Variants in CCDC175 observed in about 807,000 individuals in gnomAD.
CCDC175 encodes coiled-coil domain containing 175.
A neutral mutation model predicts 114.6 loss-of-function variants in CCDC175; 100 were observed. That is an observed-to-expected ratio of 0.87 (90% confidence interval 0.74 to 1.03). The LOEUF (loss-of-function observed/expected upper bound fraction) is 1.03. CCDC175 is among the 50% of genes least tolerant of loss of function. CCDC175 has a pLI of 0.00. For synonymous variants in CCDC175, 306 were observed against 308.7 expected (o/e 0.99, Z 0.09); for missense variants, 880 against 917.8 (o/e 0.96, Z 0.53).
intron 10 of CCDC175, among the ~76,000 whole-genome samples, chr14:59,541,924 G>C (rs1566616059): frequency 1.3e-5 from 2 of 152,140 alleles, no homozygotes; most frequent in Non-Finnish European, 1.5e-5. Context: ...TCCTTATGAA[G>C]CTGACATAAT....
chr14:59,534,397 C>T (rs1872249227), intron 13 of CCDC175, among the ~76,000 whole-genome samples: 1 of 152,162 alleles, frequency 6.6e-6, no homozygotes, highest in Admixed American at 6.5e-5. Context: ...AAAGAGAGAC[C>T]AATGCAGATT....
intron 8 of CCDC175, among the ~76,000 whole-genome samples, chr14:59,546,721 CACCCTTTGGAA>C (rs1895133820): frequency 6.6e-6 from 1 of 152,038 alleles, no homozygotes; most frequent in African/African-American, 2.4e-5. Context: ...CAAAGAGCTT[CACCCTTTGGAA>C]GGCTGAGGCA....
rs1271462555 is a variant in CCDC175, at chr14:59,539,724, GC to G, written c.1356-885del. On this transcript the variant is annotated intron_variant, in intron 11 of 19. Transcript: ENST00000537690. Reference sequence around the variant, plus strand: ...AGGCCAAGAGTTTGAGAGCAGCGTGGCCAACATAGTGAAACCCCATCTCTAC... The same window carrying G: ...AGGCCAAGAGTTTGAGAGCAGCGTGGCAACATAGTGAAACCCCATCTCTAC... 1.1e-4 allele frequency among the ~76,000 whole-genome samples: 17 copies of G among 152,202 alleles called. No homozygotes were observed. The South Asian group carries it at 3.3e-3, about 30-fold the overall frequency.
intron 17 of CCDC175, among the ~76,000 whole-genome samples, chr14:59,515,773 G>A (rs561226029): frequency 0.012 from 1,803 of 152,080 alleles, 28 homozygotes; most frequent in African/African-American, 0.042. Context: ...CAGAAAGTTA[G>A]CAAGAATATC....
At chr14:59,544,516 T>C (rs1394139284) in intron 9 of CCDC175, among the ~76,000 whole-genome samples, 1 of 152,156 alleles carries the variant, frequency 6.6e-6, no homozygotes. Flanking sequence ...TGCTGTGGAC[T>C]GAATTGTGCC....
rs1198843594 is a variant in CCDC175 at position 59,525,381 on chromosome 14, GT to G, written c.1895del (p.Asn632ThrfsTer8). On this transcript the variant is annotated frameshift_variant, in exon 16 of 20. Coordinates refer to ENST00000537690, the MANE Select transcript of CCDC175 (RefSeq NM_001164399.2). LOFTEE classifies it high-confidence loss of function. ...QQLRDQESKK[N>X]KDHFETLKNL... ...TCTTTAGAGTTTCAAAATGATCTTT[GT>G]TTTTTTTGCTTTCTTGATCTCGTAA... 26 of 1,512,134 alleles carry G rather than the reference GT, an allele frequency of 1.7e-5. No individual in the cohort carries two copies. Among genetic ancestry groups the G allele is most frequent in the Admixed American group, 1.5e-4 (7 of 45,460 alleles). The allele number at this position is 1,512,134 out of a possible 1,614,324, so 93.7% of individuals were successfully genotyped here.
chr14:59,534,145 ATTCTCTTG>A (rs1428909853), intron 13 of CCDC175, among the ~76,000 whole-genome samples: 1 of 152,158 alleles, frequency 6.6e-6, no homozygotes, highest in Non-Finnish European at 1.5e-5. Context: ...ATAAGAAGCC[ATTCTCTTG>A]TTCCGTTCTC....
At chr14:59,559,487 G>T (rs541825209) in intron 7 of CCDC175, among the ~76,000 whole-genome samples, 5 of 152,152 alleles carry the variant, frequency 3.3e-5, no homozygotes, top group Non-Finnish European at 7.4e-5. Flanking sequence ...CTATTAACCA[G>T]CTTGCAATTT....
At position 59,521,544 on chromosome 14, in the gene CCDC175, G is replaced by A. The variant is rs1203278863; in HGVS notation, c.2098+30C>T. Reference sequence around the variant, plus strand: ...TAGTTCTGTCCCGCTAAAGAACCCTGACTAATACAAGCACCCACACATTAC... The same window carrying A: ...TAGTTCTGTCCCGCTAAAGAACCCTAACTAATACAAGCACCCACACATTAC... On this transcript the variant is annotated intron_variant, in intron 17 of 19. Coordinates refer to ENST00000537690, the MANE Select transcript of CCDC175 (RefSeq NM_001164399.2). The A allele has an allele frequency of 2.4e-6, 3 of 1,250,558 alleles. No individual in the cohort carries two copies. The East Asian group carries it at 7.6e-5, about 32-fold the overall frequency. 77.5% of individuals were successfully genotyped at this position (1,250,558 alleles called of 1,614,324 possible).
rs114164325 is a variant in CCDC175, at chr14:59,547,042, C to A, written c.1036-1743G>T. Among the ~76,000 whole-genome samples the A allele has an allele frequency of 8.7e-3, 1,329 of 151,998 alleles. 10 individuals are homozygous for A. Among genetic ancestry groups the A allele is most frequent in the African/African-American group, 0.03 (1,247 of 41,452 alleles). ...ATCACTTGAGCCCAGGAGTTAGAGACCAGCCTGGGCAACACAGGGAGAATA... is the reference window on the plus strand; with the variant it reads ...ATCACTTGAGCCCAGGAGTTAGAGAACAGCCTGGGCAACACAGGGAGAATA... On this transcript the variant is annotated intron_variant, in intron 8 of 19. Transcript: ENST00000537690.
chr14:59,550,510 A>C (rs1240715604), intron 8 of CCDC175, among the ~76,000 whole-genome samples: 1 of 152,148 alleles, frequency 6.6e-6, no homozygotes, highest in East Asian at 1.9e-4. Flanking sequence ...TTATATTATA[A>C]TATGTGTATT....
chr14:59,574,054 T>C (rs935352016), intron 2 of CCDC175, among the ~76,000 whole-genome samples: 1 of 152,082 alleles, frequency 6.6e-6, no homozygotes, highest in Non-Finnish European at 1.5e-5. Context: ...CAGGGAAAAA[T>C]GTTTTCACAG....
Position 59,572,781 on chromosome 14 carries a change from C to T in CCDC175, c.276G>A (p.Leu92=). 1.3e-6 allele frequency: 2 copies of T among 1,514,884 alleles called. No homozygotes were observed. Among genetic ancestry groups the T allele is most frequent in the Non-Finnish European group, 1.8e-6 (2 of 1,141,138 alleles). 93.8% of individuals were successfully genotyped at this position (1,514,884 alleles called of 1,614,324 possible). ...TGTTGAGTTCCATGCTTTCAATCTCCAAAAGATCGATTGTGGCTTTTCTCA... is the reference window on the plus strand; with the variant it reads ...TGTTGAGTTCCATGCTTTCAATCTCTAAAAGATCGATTGTGGCTTTTCTCA... ...EEMRKATIDL[L]EIESMELNKL... The change falls in exon 3 of 20, where the codon TTG becomes TTA. Residue 92 remains leucine (L), a synonymous_variant. Transcript: ENST00000537690.
At chr14:59,525,556 G>T in intron 15 of CCDC175, 122 bp from the exon 16 acceptor site, 1 of 652,266 alleles carries the variant, frequency 1.5e-6, no homozygotes, top group Non-Finnish European at 2.4e-6. Flanking sequence ...TCCAGCAGAG[G>T]ATAGATATTC....
chr14:59,548,112 C>T (rs576011506), intron 8 of CCDC175, among the ~76,000 whole-genome samples: 21 of 152,178 alleles, frequency 1.4e-4, no homozygotes, highest in African/African-American at 4.3e-4. Context: ...TGAATATATT[C>T]AGCCTTAAAA....
intron 13 of CCDC175, among the ~76,000 whole-genome samples, chr14:59,535,569 T>C (rs765918423): frequency 1.7e-4 from 26 of 152,226 alleles, no homozygotes; most frequent in Non-Finnish European, 3.7e-4. Flanking sequence ...TACCTTCATT[T>C]CTAACTTGGG....
At chr14:59,517,617 T>G (rs1363222713) in intron 17 of CCDC175, among the ~76,000 whole-genome samples, 10 of 152,132 alleles carry the variant, frequency 6.6e-5, no homozygotes, top group Non-Finnish European at 1.5e-4. Context: ...TTACAAGAGA[T>G]GTGAAGGACC....
rs200648771 is a variant in CCDC175, at chr14:59,563,880, A to T, written c.721-21T>A. ...TTAATCTATAGTGACAAGCATAAGAAACCAATTTAAAAAGCCTATTAGCAC... is the reference window on the plus strand; with the variant it reads ...TTAATCTATAGTGACAAGCATAAGATACCAATTTAAAAAGCCTATTAGCAC... On this transcript the variant is annotated intron_variant, in intron 5 of 19. Coordinates refer to ENST00000537690, the MANE Select transcript of CCDC175 (RefSeq NM_001164399.2). 8.8e-4 allele frequency: 1,198 copies of T among 1,364,216 alleles called. 1 individual carries two copies. The highest frequency in any genetic ancestry group is 1.1e-3 in the Non-Finnish European group (1,144 of 1,061,362). The allele number at this position is 1,364,216 out of a possible 1,614,324, so 84.5% of individuals were successfully genotyped here.
chr14:59,540,343 C>T (rs192580633), intron 11 of CCDC175, among the ~76,000 whole-genome samples: 18 of 152,248 alleles, frequency 1.2e-4, no homozygotes, highest in African/African-American at 3.6e-4. Flanking sequence ...GTAGCCTTCA[C>T]GCCACCTTCC....
Sources: gnomAD v4.1 joint callset for allele counts (sites outside exome capture counted in the v4.1 genomes callset) on GRCh38, gnomAD v4.1.1 for gene constraint, MANE v1.5 for transcripts, NCBI Gene and HGNC (gene_info 2026-07-23, HGNC 2026-07-21) for gene names.